The following MPP7 variants were observed in gnomAD, a reference collection of about 807,000 sequenced individuals.
MPP7 encodes MAGUK p55 scaffold protein 7, also known as MAGUK p55 subfamily member 7.
Under a neutral mutation model 76.5 loss-of-function variants are expected in MPP7, and 60 were observed. That is an observed-to-expected ratio of 0.78 (90% CI 0.64 to 0.97). The LOEUF (loss-of-function observed/expected upper bound fraction) is 0.97. Ranked by LOEUF, MPP7 falls within the 50% of genes least tolerant of loss-of-function variation. The pLI is 0.00. For synonymous variants in MPP7, 237 were observed against 244.5 expected, an observed-to-expected ratio of 0.97 and a Z score of 0.29; for missense variants, 641 against 694.0, an observed-to-expected ratio of 0.92 and a Z score of 0.86.
Position 28,202,138 on chromosome 10 carries a change from A to G in MPP7, c.156+15T>C. On this transcript the variant is annotated intron_variant, in intron 3 of 16. Transcript: ENST00000683449. ...ATGCTTTTCGCAAAGAGAATCTGAC[A>G]TCAGCATGGTTTACCTTTACCAATG... 1 of 1,547,830 alleles carries G rather than the reference A, an allele frequency of 6.5e-7. No homozygotes were observed.
At chr10:28,262,257 ATGTATATATATATATATATATTT>A (rs1840007926) in intron 1 of MPP7, among the ~76,000 whole-genome samples, 3 of 35,732 alleles carry the variant, frequency 8.4e-5, no homozygotes, top group Admixed American at 4.2e-4. Context: ...ATATATATAT[ATGTATATATATATATATATATTT>A]TTTTTTTTTT....
rs199900129 is a variant in MPP7, at chr10:28,068,036, CAGT to C, written c.1204+1733_1204+1735del. ...AAGACAAACAAAGGAGATGAATACA[CAGT>C]AGGAAGTTTAAAAATTCGTTTTTTT... is the stretch of plus-strand genomic sequence containing the variant. On this transcript the variant is annotated intron_variant, in intron 13 of 16. Coordinates refer to ENST00000683449, the MANE Select transcript of MPP7 (RefSeq NM_001318170.2). 6.1e-3 allele frequency among the ~76,000 whole-genome samples: 925 copies of C among 152,166 alleles called. 8 individuals are homozygous for C. Among genetic ancestry groups the C allele is most frequent in the African/African-American group, 0.018 (752 of 41,530 alleles).
chr10:28,070,000 A>C (rs1050817629), intron 12 of MPP7, 148 bp from the exon 13 acceptor site: 5 of 613,540 alleles, frequency 8.1e-6, no homozygotes, highest in Middle Eastern at 3.8e-4. Context: ...ACTTGAACTT[A>C]AGAAAATGCT....
chr10:28,154,867 G>C (rs1038027834), intron 3 of MPP7, among the ~76,000 whole-genome samples: 3 of 152,008 alleles, frequency 2.0e-5, no homozygotes, highest in Non-Finnish European at 4.4e-5. Flanking sequence ...AATTATGAGA[G>C]CTGCCATTCT....
rs1294264349 is a variant in MPP7 at position 28,093,443 on chromosome 10, C to CTT, written c.953-3604_953-3603dup. On this transcript the variant is annotated intron_variant, in intron 11 of 16. Transcript: ENST00000683449. ...AAAATTCACTTAAGTTTTTACTTTC[C>CTT]TTTTTTTTTTTTTTTTTCTTGAGAC... Among the ~76,000 whole-genome samples, 911 of 138,580 alleles carry CTT rather than the reference C, an allele frequency of 6.6e-3. 12 individuals are homozygous for CTT. Among genetic ancestry groups the CTT allele is most frequent in the African/African-American group, 0.022 (823 of 37,808 alleles). The allele number at this position is 138,580 out of a possible 152,430, so 90.9% of individuals were successfully genotyped here.
intron 5 of MPP7, among the ~76,000 whole-genome samples, chr10:28,146,669 T>G (rs1835719346): frequency 2.0e-5 from 3 of 152,218 alleles, no homozygotes; most frequent in African/African-American, 7.2e-5. Context: ...AACTAGTTTT[T>G]ACATCTAGGA....
intron 2 of MPP7, among the ~76,000 whole-genome samples, chr10:28,209,469 CA>C (rs34583825): frequency 0.37 from 44,857 of 122,496 alleles, 8,644 homozygotes; most frequent in African/African-American, 0.59. Context: ...ATCCTATCTC[CA>C]AAAAAAAAAA....
At chr10:28,142,289 C>G (rs1005081682) in intron 5 of MPP7, among the ~76,000 whole-genome samples, 4 of 152,170 alleles carry the variant, frequency 2.6e-5, no homozygotes, top group African/African-American at 9.7e-5. Flanking sequence ...ATGTCACTCA[C>G]AAGTCATTAG....
chr10:28,326,527 A>G (rs1383395607), intron 2 of MPP7, among the ~76,000 whole-genome samples: 1 of 152,220 alleles, frequency 6.6e-6, no homozygotes, highest in East Asian at 1.9e-4. Context: ...AAAGAAAAAG[A>G]CAAACAAGGA....
chr10:28,094,973 A>C (rs1163557227), intron 11 of MPP7, among the ~76,000 whole-genome samples: 1 of 151,970 alleles, frequency 6.6e-6, no homozygotes, highest in African/African-American at 2.4e-5. Flanking sequence ...TAAATAAATA[A>C]GTTTAAAAAA....
chr10:28,090,606 T>C (rs965491929), intron 11 of MPP7, among the ~76,000 whole-genome samples: 1 of 152,328 alleles, frequency 6.6e-6, no homozygotes. Flanking sequence ...CCTCACAACG[T>C]ACCCATGGCA....
chr10:28,225,292 A>C (rs1838651927), intron 2 of MPP7, among the ~76,000 whole-genome samples: 1 of 152,222 alleles, frequency 6.6e-6, no homozygotes, highest in Non-Finnish European at 1.5e-5. Context: ...TGTCACCAAA[A>C]GCATCAACAA....
intron 1 of MPP7, among the ~76,000 whole-genome samples, chr10:28,264,573 C>CTT (rs760311602): frequency 0.017 from 2,328 of 135,584 alleles, 75 homozygotes; most frequent in African/African-American, 0.057. Flanking sequence ...CCTCAGGGAG[C>CTT]TTTTTTTTTT....
rs543027201 is a variant in MPP7 at position 28,188,421 on chromosome 10, G to C, written c.156+13732C>G. The stretch of plus-strand genomic sequence containing the variant: ...TTAAGGTAAAGGGGTAGGCAATTAA[G>C]AGGTTATCATGGCACTTCCAAGTCG... On this transcript the variant is annotated intron_variant, in intron 3 of 16. Transcript: ENST00000683449. 2.1e-3 allele frequency among the ~76,000 whole-genome samples: 326 copies of C among 152,238 alleles called. 2 individuals carry two copies. Among genetic ancestry groups the C allele is most frequent in the Middle Eastern group, 3.4e-3 (1 of 294 alleles).
At chr10:28,141,998 T>A (rs1216184320) in intron 5 of MPP7, among the ~76,000 whole-genome samples, 1 of 151,998 alleles carries the variant, frequency 6.6e-6, no homozygotes, top group African/African-American at 2.4e-5. Flanking sequence ...TAGAACCACA[T>A]CTTATACCAT....
At chr10:28,241,549 T>C (rs1839268414) in intron 1 of MPP7, among the ~76,000 whole-genome samples, 1 of 152,228 alleles carries the variant, frequency 6.6e-6, no homozygotes, top group Non-Finnish European at 1.5e-5. Flanking sequence ...GCAAAATTCA[T>C]TGAAAATGCT....
chr10:28,314,092 C>A (rs143676566), intron 2 of MPP7, among the ~76,000 whole-genome samples: 13 of 152,168 alleles, frequency 8.5e-5, no homozygotes, highest in African/African-American at 3.1e-4. Flanking sequence ...AATTTCCACA[C>A]TATTTGATTT....
chr10:28,113,620 C>A (rs1214164429), intron 11 of MPP7, among the ~76,000 whole-genome samples: 15 of 151,720 alleles, frequency 9.9e-5, no homozygotes, highest in Admixed American at 9.8e-4. Context: ...AAGAAGTATC[C>A]CAAGAAAGGC....
At chr10:28,152,440 T>G (rs1409878733) in intron 3 of MPP7, among the ~76,000 whole-genome samples, 2 of 152,200 alleles carry the variant, frequency 1.3e-5, no homozygotes, top group African/African-American at 4.8e-5. Flanking sequence ...TTTTTATTAC[T>G]ATTTATGATA....
Sources: gnomAD v4.1 joint callset for allele counts (sites outside exome capture counted in the v4.1 genomes callset) on GRCh38, gnomAD v4.1.1 for gene constraint, MANE v1.5 for transcripts, NCBI Gene and HGNC (gene_info 2026-07-23, HGNC 2026-07-21) for gene names.